ARMH4: variants seen among roughly 807,000 people sequenced by gnomAD.
The protein encoded by ARMH4 is armadillo like helical domain containing 4, also known as armadillo-like helical domain-containing protein 4.
In ARMH4, 49 loss-of-function variants were observed where a neutral mutation model predicts 61.9. The observed-to-expected ratio is 0.79, with a 90% CI of 0.63 to 1.00. ARMH4 has a LOEUF of 1.00. Among genes scored for constraint, ARMH4 ranks in the 50% least tolerant of loss-of-function variants. ARMH4 has a pLI of 0.00. For missense variants in ARMH4, 934 were observed against 930.0 expected (o/e 1.00, Z -0.06); for synonymous variants, 368 against 341.5 (o/e 1.08, Z -0.85).
intron 1 of ARMH4, among the ~76,000 whole-genome samples, chr14:58,140,880 G>A (rs867037685): frequency 1.3e-5 from 2 of 152,102 alleles, no homozygotes; most frequent in African/African-American, 4.8e-5. Context: ...TCCAGCCTGG[G>A]CGACAAGAGT....
At chr14:58,092,825 T>TTG (rs1885618019) in intron 5 of ARMH4, among the ~76,000 whole-genome samples, 2 of 151,804 alleles carry the variant, frequency 1.3e-5, no homozygotes, top group African/African-American at 4.8e-5. Flanking sequence ...CTTTTTGTTT[T>TTG]TTTTTTTTTA....
At chr14:58,010,245 TG>T (rs1882354449) in intron 6 of ARMH4, among the ~76,000 whole-genome samples, 1 of 104,270 alleles carries the variant, frequency 9.6e-6, no homozygotes, top group Non-Finnish European at 2.2e-5. Flanking sequence ...GGAAGATATA[TG>T]TATATATATA....
rs188580887 is a variant in ARMH4, at chr14:58,013,358, A to T, written c.2090-1208T>A. Among the ~76,000 whole-genome samples, 11 of 152,274 alleles carry T rather than the reference A, an allele frequency of 7.2e-5. No individual in the cohort carries two copies. The East Asian group carries it at 2.1e-3, about 30-fold the overall frequency. On this transcript the variant is annotated intron_variant, in intron 5 of 7. Coordinates refer to ENST00000267485, the MANE Select transcript of ARMH4 (RefSeq NM_001001872.4). ...GAATTTCATGTAATCTTCAAATGTC[A>T]TAAATATTTTTCTTTTGATTTTTTT...
rs1282642771 is a variant in ARMH4 at position 58,138,819 on chromosome 14, T to G, written c.540A>C (p.Thr180=). 5.6e-6 allele frequency: 9 copies of G among 1,614,234 alleles called. No individual in the cohort carries two copies. Among genetic ancestry groups the G allele is most frequent in the Admixed American group, 1.7e-5 (1 of 60,030 alleles). ...QPIVEEITET[T]KGFLKYMDNQ... ...TATCCATATACTTCAGAAAACCTTT[T>G]GTGGTTTCTGTGATCTCTTCTACAA... is the stretch of plus-strand genomic sequence containing the variant. The change falls in exon 2 of 8, where the codon ACA becomes ACC. Residue 180 remains threonine (T), a synonymous_variant. Transcript: ENST00000267485.
intron 5 of ARMH4, among the ~76,000 whole-genome samples, chr14:58,020,953 G>C (rs764973608): frequency 1.3e-4 from 19 of 151,978 alleles, no homozygotes; most frequent in Non-Finnish European, 2.6e-4. Context: ...CAGGAGAGCT[G>C]ATGTAGTCCA....
At chr14:58,098,718 G>A (rs1186893710) in intron 4 of ARMH4, among the ~76,000 whole-genome samples, 2 of 152,142 alleles carry the variant, frequency 1.3e-5, no homozygotes, top group African/African-American at 2.4e-5. Flanking sequence ...TGGGCTGGGA[G>A]GCACAGGGCA....
chr14:58,096,131 G>A (rs559536353), intron 5 of ARMH4, among the ~76,000 whole-genome samples: 1 of 152,268 alleles, frequency 6.6e-6, no homozygotes, highest in Admixed American at 6.5e-5. Flanking sequence ...GCATGGAGTG[G>A]TCTGGCCACC....
In ARMH4 at chr14:58,138,190, G is replaced by C; in HGVS notation, c.1169C>G (p.Pro390Arg). ...LLIAHGNERS[P>R]AFTDQSSFTP... ...AAAGGAACTTTGATCAGTGAAAGCA[G>C]GTGATCTCTCATTCCCATGCGCTAT... The change falls in exon 2 of 8, where the codon CCT becomes CGT. Residue 390 changes from proline to arginine, a missense_variant. Coordinates refer to ENST00000267485, the MANE Select transcript of ARMH4 (RefSeq NM_001001872.4). The C allele has an allele frequency of 6.2e-7, 1 of 1,614,180 alleles. No homozygotes were observed. Among genetic ancestry groups the C allele is most frequent in the Non-Finnish European group, 8.5e-7 (1 of 1,180,030 alleles).
chr14:58,031,174 A>G (rs1394828171), intron 5 of ARMH4, among the ~76,000 whole-genome samples: 1 of 152,220 alleles, frequency 6.6e-6, no homozygotes, highest in African/African-American at 2.4e-5. Context: ...AGGGAGGAAG[A>G]GAAATTGAAT....
chr14:58,097,862 C>T (rs187949057), intron 4 of ARMH4, among the ~76,000 whole-genome samples: 1 of 152,160 alleles, frequency 6.6e-6, no homozygotes, highest in African/African-American at 2.4e-5. Context: ...TGAGCCATGG[C>T]ACTTCACCAC....
intron 4 of ARMH4, among the ~76,000 whole-genome samples, chr14:58,129,909 C>T (rs971313794): frequency 6.6e-6 from 1 of 152,092 alleles, no homozygotes; most frequent in East Asian, 1.9e-4. Flanking sequence ...AATATATTAT[C>T]AAAAAGTAGC....
rs1431124447 is a variant in ARMH4 at position 58,131,535 on chromosome 14, C to T, written c.1808G>A (p.Gly603Asp). The T allele has an allele frequency of 5.0e-6, 8 of 1,613,964 alleles. No individual in the cohort carries two copies. The highest frequency in any genetic ancestry group is 6.8e-6 in the Non-Finnish European group (8 of 1,179,966). The change falls in exon 4 of 8, where the codon GGC (glycine) becomes GAC (aspartate). Residue 603 changes from glycine (G) to aspartate (D), a missense_variant. Physicochemically the swap from Gly to Asp is moderately conservative, Grantham distance 94. Transcript: ENST00000267485. Reference sequence around the variant, plus strand: ...ACCTTCAGATTCAAGTTGGTCCAGGCCATATGAGGCAGCTGTATTAACACG... The same window carrying T: ...ACCTTCAGATTCAAGTTGGTCCAGGTCATATGAGGCAGCTGTATTAACACG... ...ITRVNTAASYGLDQLESEEGQ... is the reference protein window; with the variant it reads ...ITRVNTAASYDLDQLESEEGQ...
At chr14:58,140,454 A>T (rs1887499728) in intron 1 of ARMH4, among the ~76,000 whole-genome samples, 1 of 151,552 alleles carries the variant, frequency 6.6e-6, no homozygotes, top group Non-Finnish European at 1.5e-5. Context: ...GGTGGCACAC[A>T]TCTGTAATCC....
chr14:58,072,605 C>T (rs923874134), intron 5 of ARMH4, among the ~76,000 whole-genome samples: 4 of 151,822 alleles, frequency 2.6e-5, no homozygotes, highest in Non-Finnish European at 5.9e-5. Context: ...ACCTGTAATC[C>T]CAGCTACTCA....
intron 4 of ARMH4, among the ~76,000 whole-genome samples, chr14:58,108,962 G>A (rs1886258046): frequency 6.6e-6 from 1 of 152,092 alleles, no homozygotes; most frequent in African/African-American, 2.4e-5. Flanking sequence ...CAGTATCTGT[G>A]TGAGATGCCT....
intron 5 of ARMH4, among the ~76,000 whole-genome samples, chr14:58,042,309 T>A (rs188507280): frequency 6.6e-6 from 1 of 152,176 alleles, no homozygotes; most frequent in African/African-American, 2.4e-5. Flanking sequence ...TCAAAACTGC[T>A]CAACTACATG....
intron 5 of ARMH4, among the ~76,000 whole-genome samples, chr14:58,032,858 G>C (rs2141168209): frequency 6.6e-6 from 1 of 152,214 alleles, no homozygotes; most frequent in South Asian, 2.1e-4. Flanking sequence ...TTAACAAACG[G>C]CGCACCACGA....
At chr14:58,106,915 C>A (rs1200818341) in intron 4 of ARMH4, among the ~76,000 whole-genome samples, 2 of 152,036 alleles carry the variant, frequency 1.3e-5, no homozygotes, top group African/African-American at 4.8e-5. Flanking sequence ...TTATTCATTG[C>A]AAATATTTCT....
At chr14:58,141,876 A>G (rs1887570924) in intron 1 of ARMH4, among the ~76,000 whole-genome samples, 3 of 152,260 alleles carry the variant, frequency 2.0e-5, no homozygotes, top group Non-Finnish European at 4.4e-5. Flanking sequence ...AAGGTTTAAG[A>G]GTTAAGCAAG....
Sources: gnomAD v4.1 joint callset for allele counts (sites outside exome capture counted in the v4.1 genomes callset) on GRCh38, gnomAD v4.1.1 for gene constraint, MANE v1.5 for transcripts, NCBI Gene and HGNC (gene_info 2026-07-23, HGNC 2026-07-21) for gene names.